The following DNAH2 variants were observed in gnomAD, a reference collection of about 807,000 sequenced individuals.
DNAH2 encodes axonemal beta dynein heavy chain 2.
A neutral mutation model predicts 523.5 loss-of-function variants in DNAH2; 323 were observed. The observed-to-expected ratio is 0.62, with a 90% CI of 0.56 to 0.68. The LOEUF (loss-of-function observed/expected upper bound fraction) is 0.68. DNAH2 is among the 30% of genes least tolerant of loss of function. The pLI, the probability that DNAH2 is intolerant of heterozygous loss-of-function variation, is 0.00. For synonymous variants in DNAH2, 2,093 were observed against 2,177.4 expected (o/e 0.96, Z 1.08); for missense variants, 4,907 against 5,701.5 (o/e 0.86, Z 4.49).
At chr17:7,768,845 A>G (rs899752596) in intron 24 of DNAH2, among the ~76,000 whole-genome samples, 4 of 152,182 alleles carry the variant, frequency 2.6e-5, no homozygotes, top group African/African-American at 9.7e-5. Context: ...AATGTCCTCC[A>G]GGTTCTTCCA....
At chr17:7,776,630 C>T (rs1442813244) in intron 31 of DNAH2, 149 bp from the exon 32 acceptor site, 3 of 597,274 alleles carry the variant, frequency 5.0e-6, no homozygotes, top group Admixed American at 5.0e-5. Context: ...ACCCTTAGCT[C>T]CTGACCTGAG....
intron 12 of DNAH2, among the ~76,000 whole-genome samples, chr17:7,748,506 A>AT (rs967935585): frequency 1.3e-5 from 2 of 151,990 alleles, no homozygotes. Context: ...TTATTTATTT[A>AT]TTTTTTTGAG....
intron 12 of DNAH2, among the ~76,000 whole-genome samples, chr17:7,744,589 A>G (rs534390244): frequency 3.8e-4 from 58 of 152,296 alleles, no homozygotes; most frequent in African/African-American, 1.4e-3. Flanking sequence ...GTTGAGGAGC[A>G]GAGTGTGCAC....
chr17:7,802,695 G>A (rs546105140), intron 58 of DNAH2, among the ~76,000 whole-genome samples: 4 of 151,822 alleles, frequency 2.6e-5, no homozygotes, highest in South Asian at 2.1e-4. Context: ...ACGGAGTCTC[G>A]CTCTGTTGCC....
intron 3 of DNAH2, 105 bp downstream of exon 3, chr17:7,723,794 C>T (rs1297636434): frequency 2.1e-6 from 2 of 973,896 alleles, no homozygotes; most frequent in Non-Finnish European, 3.2e-6. Flanking sequence ...TCTGCCACTT[C>T]TTCTACTTGC....
Position 7,804,941 on chromosome 17 carries a change from C to T in DNAH2, c.9184-17C>T. The T allele has an allele frequency of 6.2e-7, 1 of 1,608,342 alleles. No homozygotes were observed. The highest frequency in any genetic ancestry group is 8.5e-7 in the Non-Finnish European group (1 of 1,175,382). On this transcript the variant is annotated splice_polypyrimidine_tract_variant and intron_variant, in intron 59 of 85. Transcript: ENST00000572933. ...CAAGGCAAAGACAAAAAACCCTTGT[C>T]CTTTTTTCATCCCTAGGCCGTAACA...
In DNAH2 at chr17:7,760,944, G is replaced by A; in HGVS notation, c.2978+12G>A. The A allele has an allele frequency of 6.2e-7, 1 of 1,603,836 alleles. No homozygotes were observed. The highest frequency in any genetic ancestry group is 8.5e-7 in the Non-Finnish European group (1 of 1,170,694). On this transcript the variant is annotated intron_variant, in intron 18 of 85. Transcript: ENST00000572933. This position sits in a 1 kb window ranked among gnomAD's most constrained non-coding sequence, Gnocchi z 4.0. ...GCCGACATTGCCCGGTGAGTGGTGA[G>A]GGTGGATTGAAAGTCTGTCTGTAGG...
intron 75 of DNAH2, 51 bp from the exon 76 acceptor site, chr17:7,824,070 C>T: frequency 1.3e-6 from 2 of 1,572,440 alleles, no homozygotes; most frequent in Non-Finnish European, 1.7e-6. Context: ...CTCTCTCTCC[C>T]ACTTTGGTCA....
intron 63 of DNAH2, among the ~76,000 whole-genome samples, chr17:7,812,775 A>C (rs1183822855): frequency 6.9e-6 from 1 of 145,878 alleles, no homozygotes; most frequent in African/African-American, 2.5e-5. Flanking sequence ...ACCAAAAAAA[A>C]AAAAAAAAAA....
Position 7,774,754 on chromosome 17 carries a change from C to T in DNAH2, c.4502-5C>T, listed in dbSNP as rs1381033610. ...TCAAATGTCATTCATCGCTCTTCTT[C>T]CCAGGCCTCCTGGACACATTGATAG... is the stretch of plus-strand genomic sequence containing the variant. On this transcript the variant is annotated splice_region_variant and splice_polypyrimidine_tract_variant and intron_variant, in intron 28 of 85. Coordinates refer to ENST00000572933, the MANE Select transcript of DNAH2 (RefSeq NM_020877.5). 6.2e-7 allele frequency: 1 copy of T among 1,612,028 alleles called. No homozygotes were observed. The highest frequency in any genetic ancestry group is 8.5e-7 in the Non-Finnish European group (1 of 1,178,350).
chr17:7,773,461 A>T lies in DNAH2; in HGVS notation c.4502-1298A>T, dbSNP rs192426757. Among the ~76,000 whole-genome samples, 3 of 152,196 alleles carry T rather than the reference A, an allele frequency of 2.0e-5. No homozygotes were observed. The East Asian group carries it at 5.8e-4, about 29-fold the overall frequency. On this transcript the variant is annotated intron_variant, in intron 28 of 85. Transcript: ENST00000572933. ...CCAAGTTCTTAGGTGGGTGTGTTAT[A>T]CAGTGTCCCCCCCACCCACTGGGGA... is the stretch of plus-strand genomic sequence containing the variant.
At chr17:7,752,043 C>A (rs1170099359) in intron 12 of DNAH2, among the ~76,000 whole-genome samples, 1 of 150,896 alleles carries the variant, frequency 6.6e-6, no homozygotes, top group African/African-American at 2.4e-5. Flanking sequence ...GCTTATTGAT[C>A]CTCTTCCGCC....
intron 24 of DNAH2, among the ~76,000 whole-genome samples, 167 bp from the exon 25 acceptor site, chr17:7,770,085 C>T (rs2076273878): frequency 6.6e-6 from 1 of 152,206 alleles, no homozygotes; most frequent in Admixed American, 6.5e-5. Context: ...GGTTTCACCT[C>T]AATCTTCGTA....
rs1158561638 is a variant in DNAH2, at chr17:7,777,472, A to G, written c.5085A>G (p.Glu1695=). Residue 1695 remains glutamate, a synonymous_variant, in exon 33 of 86, where the codon GAA becomes GAG. Coordinates refer to ENST00000572933, the MANE Select transcript of DNAH2 (RefSeq NM_020877.5). The part of the protein sequence containing the change: ...NQVSILNKYS[E]AIRGNLTKIM... ...TGTCAATCCTGAATAAGTATTCAGA[A>G]GCCATCAGGGGGAACTTGACCAAGA... is the stretch of plus-strand genomic sequence containing the variant. 3.7e-6 allele frequency: 6 copies of G among 1,614,016 alleles called. No homozygotes were observed. The highest frequency in any genetic ancestry group is 5.1e-6 in the Non-Finnish European group (6 of 1,180,020).
Position 7,797,418 on chromosome 17 carries a change from G to A in DNAH2, c.7968G>A (p.Leu2656=). ...CCCACAGAGTCTTCTCTGACCGGCTGGTTGATGCGGCAGACACAGAAGCCT... is the reference window on the plus strand; with the variant it reads ...CCCACAGAGTCTTCTCTGACCGGCTAGTTGATGCGGCAGACACAGAAGCCT... The part of the protein sequence containing the change: ...HECFRVFSDR[L]VDAADTEAFM... Residue 2656 remains leucine, a synonymous_variant, in exon 52 of 86, where the codon CTG becomes CTA. Transcript: ENST00000572933. 6.2e-7 allele frequency: 1 copy of A among 1,614,122 alleles called. No individual in the cohort carries two copies. Among genetic ancestry groups the A allele is most frequent in the Non-Finnish European group, 8.5e-7 (1 of 1,180,030 alleles).
chr17:7,719,711 A>T lies in DNAH2; in HGVS notation c.-14-10A>T, dbSNP rs144739570. On this transcript the variant is annotated splice_polypyrimidine_tract_variant and intron_variant, in intron 1 of 85. Coordinates refer to ENST00000572933, the MANE Select transcript of DNAH2 (RefSeq NM_020877.5). ...CTGCTTGTAGACTCTCCACTCCTGTATACCTGTAGGTTTTGCCTGCACGAT... is the reference window on the plus strand; with the variant it reads ...CTGCTTGTAGACTCTCCACTCCTGTTTACCTGTAGGTTTTGCCTGCACGAT... 1 of 1,614,178 alleles carries T rather than the reference A, an allele frequency of 6.2e-7. No individual in the cohort carries two copies. Among genetic ancestry groups the T allele is most frequent in the Non-Finnish European group, 8.5e-7 (1 of 1,180,040 alleles).
At chr17:7,728,352 C>T (rs1262909908) in intron 4 of DNAH2, among the ~76,000 whole-genome samples, 1 of 152,050 alleles carries the variant, frequency 6.6e-6, no homozygotes, top group East Asian at 1.9e-4. Context: ...TTGCTTTGCT[C>T]ATATTGGCGG....
At chr17:7,749,911 C>T (rs1291148159) in intron 12 of DNAH2, among the ~76,000 whole-genome samples, 7 of 152,022 alleles carry the variant, frequency 4.6e-5, no homozygotes, top group East Asian at 1.9e-4. Flanking sequence ...AGGAGAATCT[C>T]GCTTGAACCC....
chr17:7,783,927 A>C (rs1379694772), intron 39 of DNAH2, among the ~76,000 whole-genome samples: 1 of 152,172 alleles, frequency 6.6e-6, no homozygotes, highest in Non-Finnish European at 1.5e-5. Context: ...CTGATACTTT[A>C]TAATGTTTAC....
Sources: gnomAD v4.1 joint callset for allele counts (sites outside exome capture counted in the v4.1 genomes callset) on GRCh38, gnomAD v4.1.1 for gene constraint, Gnocchi (gnomAD v3.1) non-coding constraint, MANE v1.5 for transcripts, NCBI Gene and HGNC (gene_info 2026-07-23, HGNC 2026-07-21) for gene names.